ABI1: variants seen among roughly 807,000 people sequenced by gnomAD.
ABI1 encodes abl interactor 1.
Under a neutral mutation model 54.6 loss-of-function variants are expected in ABI1, and 14 were observed. The ratio of observed to expected loss-of-function variants is 0.26; its 90% CI spans 0.17 to 0.40. The LOEUF is 0.40. ABI1 is among the 10% of genes least tolerant of loss of function. The probability of loss-of-function intolerance (pLI) is 1.00; values close to 1 mark genes in which losing one functional copy is unlikely to be tolerated. For synonymous variants in ABI1, 194 were observed against 209.3 expected (o/e 0.93, Z 0.63); for missense variants, 443 against 598.3 (o/e 0.74, Z 2.71).
intron 2 of ABI1, among the ~76,000 whole-genome samples, chr10:26,806,157 C>T (rs1337348351): frequency 6.6e-6 from 1 of 152,196 alleles, no homozygotes; most frequent in Non-Finnish European, 1.5e-5. Flanking sequence ...ATTCAATCTT[C>T]ATTCTACCCT....
At chr10:26,831,080 C>T (rs2048640695) in intron 1 of ABI1, among the ~76,000 whole-genome samples, 1 of 152,072 alleles carries the variant, frequency 6.6e-6, no homozygotes, top group Admixed American at 6.6e-5. Flanking sequence ...ACAAGGGTCC[C>T]ATGTGCATTT....
chr10:26,796,658 T>C (rs1241306349), intron 2 of ABI1, among the ~76,000 whole-genome samples: 2 of 152,216 alleles, frequency 1.3e-5, no homozygotes, highest in Non-Finnish European at 2.9e-5. Context: ...AGATTTTAGG[T>C]GCTCATCACT....
At chr10:26,852,303 A>T (rs1030133056) in intron 1 of ABI1, among the ~76,000 whole-genome samples, 6 of 152,174 alleles carry the variant, frequency 3.9e-5, no homozygotes, top group African/African-American at 1.4e-4. Flanking sequence ...AACATGGAGA[A>T]ACCCTGTCTC....
chr10:26,853,529 C>CTTTT (rs535088026), intron 1 of ABI1, among the ~76,000 whole-genome samples: 3 of 130,848 alleles, frequency 2.3e-5, no homozygotes, highest in Non-Finnish European at 3.2e-5. Context: ...TTTTACCTTA[C>CTTTT]TTTTTTTTTT....
At chr10:26,851,580 C>T (rs906865972) in intron 1 of ABI1, among the ~76,000 whole-genome samples, 12 of 151,854 alleles carry the variant, frequency 7.9e-5, no homozygotes, top group African/African-American at 1.9e-4. Flanking sequence ...TTTTCAAGTA[C>T]GACAGAGATC....
chr10:26,756,630 A>G (rs191795685), intron 8 of ABI1, among the ~76,000 whole-genome samples: 2 of 152,324 alleles, frequency 1.3e-5, no homozygotes, highest in East Asian at 1.9e-4. Flanking sequence ...ATTAAAAATT[A>G]TAACATACAC....
chr10:26,796,757 G>A (rs1450376303), intron 2 of ABI1, among the ~76,000 whole-genome samples: 1 of 152,174 alleles, frequency 6.6e-6, no homozygotes, highest in African/African-American at 2.4e-5. Context: ...CCATAACACA[G>A]CAGTCCCCTT....
At chr10:26,801,825 T>A (rs1170746294) in intron 2 of ABI1, among the ~76,000 whole-genome samples, 7 of 152,216 alleles carry the variant, frequency 4.6e-5, no homozygotes, top group African/African-American at 1.4e-4. Context: ...GTTGGATAAA[T>A]GCATGCATGC....
intron 8 of ABI1, among the ~76,000 whole-genome samples, chr10:26,758,711 C>A (rs1998633): frequency 3.7e-4 from 56 of 152,270 alleles, no homozygotes; most frequent in African/African-American, 1.3e-3. Flanking sequence ...ACCATTACTA[C>A]GCTGTCTCAA....
chr10:26,829,557 AT>A (rs1415740271), intron 1 of ABI1, among the ~76,000 whole-genome samples: 1 of 152,206 alleles, frequency 6.6e-6, no homozygotes, highest in African/African-American at 2.4e-5. Context: ...ATTTCAAAAA[AT>A]ATTGTACATC....
At chr10:26,855,413 T>C (rs2134304335) in intron 1 of ABI1, among the ~76,000 whole-genome samples, 1 of 152,236 alleles carries the variant, frequency 6.6e-6, no homozygotes, top group South Asian at 2.1e-4. Flanking sequence ...GCCTATGGAG[T>C]CTGCCAGAGT....
intron 1 of ABI1, among the ~76,000 whole-genome samples, chr10:26,849,432 T>C (rs2134202535): frequency 6.6e-6 from 1 of 152,350 alleles, no homozygotes; most frequent in East Asian, 1.9e-4. Flanking sequence ...TAATATTGTA[T>C]ACGACAAAAT....
intron 1 of ABI1, among the ~76,000 whole-genome samples, chr10:26,858,213 T>A (rs1207119878): frequency 1.3e-5 from 2 of 152,026 alleles, no homozygotes; most frequent in East Asian, 3.9e-4. Context: ...AATAACCCAA[T>A]CAGGTCACAG....
chr10:26,780,859 C>CA (rs2132979039), intron 2 of ABI1, among the ~76,000 whole-genome samples: 1 of 152,260 alleles, frequency 6.6e-6, no homozygotes, highest in South Asian at 2.1e-4. Flanking sequence ...GGGTAGGGTT[C>CA]AAAGTAGGGA....
At chr10:26,819,567 C>A (rs999363893) in intron 2 of ABI1, among the ~76,000 whole-genome samples, 3 of 152,124 alleles carry the variant, frequency 2.0e-5, no homozygotes, top group Non-Finnish European at 4.4e-5. Context: ...ATATTATCAA[C>A]CAACTTGACT....
At chr10:26,796,670 A>C (rs529659244) in intron 2 of ABI1, among the ~76,000 whole-genome samples, 10 of 152,386 alleles carry the variant, frequency 6.6e-5, no homozygotes, top group Non-Finnish European at 1.3e-4. Context: ...CTCATCACTT[A>C]ACAAAAGTAA....
chr10:26,781,218 C>T (rs938411774), intron 2 of ABI1, among the ~76,000 whole-genome samples: 1 of 152,190 alleles, frequency 6.6e-6, no homozygotes, highest in African/African-American at 2.4e-5. Flanking sequence ...TGAAAAGATT[C>T]CCATTTGGGA....
At chr10:26,835,252 T>C (rs956232892) in intron 1 of ABI1, among the ~76,000 whole-genome samples, 1 of 152,016 alleles carries the variant, frequency 6.6e-6, no homozygotes, top group Non-Finnish European at 1.5e-5. Context: ...AGTACAGTCA[T>C]TATGAAGAAC....
In ABI1 at chr10:26,860,782, G is replaced by C. The variant is rs1376113766; in HGVS notation, c.82C>G (p.Arg28Gly). The C allele has an allele frequency of 8.7e-6, 14 of 1,613,956 alleles. No homozygotes were observed. Among genetic ancestry groups the C allele is most frequent in the Non-Finnish European group, 1.1e-5 (13 of 1,180,014 alleles). Residue 28 changes from arginine (R) to glycine (G), a missense_variant, in exon 1 of 11, where the codon CGG becomes GGG. Around this residue, in one of 2 missense-constraint regions of ABI1, gnomAD observed 394 missense variants for 484.8 expected, o/e 0.81. Coordinates refer to ENST00000376140, the MANE Select transcript of ABI1 (RefSeq NM_001012750.3). This position sits in a 1 kb window ranked among gnomAD's most constrained non-coding sequence, Gnocchi z 4.1. ...TTGTTTTCACAGTAGTCTGCCACCC[G>C]AGTCAGGTTCTGGTAACTCTCGATC... Reference protein sequence around the residue: ...ALIESYQNLTRVADYCENNYI... With the variant: ...ALIESYQNLTGVADYCENNYI...
Sources: gnomAD v4.1 joint callset for allele counts (sites outside exome capture counted in the v4.1 genomes callset) on GRCh38, gnomAD v4.1.1 for gene constraint, gnomAD v4.1.1 regional missense constraint, Gnocchi (gnomAD v3.1) non-coding constraint, MANE v1.5 for transcripts, NCBI Gene and HGNC (gene_info 2026-07-23, HGNC 2026-07-21) for gene names.